The following PIGN variants were observed in gnomAD, a reference collection of about 807,000 sequenced individuals.
PIGN encodes the protein GPI ethanolamine phosphate transferase 1.
A neutral mutation model predicts 125.4 loss-of-function variants in PIGN; 117 were observed. That is an observed-to-expected ratio of 0.93 (90% CI 0.80 to 1.09). The LOEUF is 1.09. Among genes scored for constraint, PIGN ranks in the 50% least tolerant of loss-of-function variants. The pLI is 0.00. For synonymous variants in PIGN, 392 were observed against 377.8 expected (o/e 1.04, Z -0.44); for missense variants, 1,075 against 1,094.9 (o/e 0.98, Z 0.26).
intron 14 of PIGN, 38 bp downstream of exon 14, chr18:62,138,205 C>A (rs773984096): frequency 4.6e-6 from 7 of 1,536,504 alleles, no homozygotes; most frequent in Admixed American, 2.1e-5. Flanking sequence ...GTGGAAAATT[C>A]TTTCCTTCAA....
intron 25 of PIGN, 55 bp from the exon 26 acceptor site, chr18:62,085,319 T>C: frequency 8.3e-7 from 1 of 1,209,090 alleles, no homozygotes; most frequent in Non-Finnish European, 1.2e-6. Flanking sequence ...AAATTTCCTT[T>C]TCATTTAGAA....
intron 3 of PIGN, 31 bp from the exon 4 acceptor site, chr18:62,161,416 A>G (rs2036949099): frequency 1.0e-6 from 1 of 975,986 alleles, no homozygotes; most frequent in African/African-American, 1.6e-5. Flanking sequence ...AAATTGGGGT[A>G]AATCTTAATG....
chr18:62,035,551 A>G lies in PIGN; in HGVS notation c.2143-17810T>C, dbSNP rs187896382. 3.8e-3 allele frequency among the ~76,000 whole-genome samples: 584 copies of G among 152,196 alleles called. 2 individuals are homozygous for G. Among genetic ancestry groups the G allele is most frequent in the African/African-American group, 0.014 (566 of 41,520 alleles). On this transcript the variant is annotated intron_variant, in intron 23 of 24. Coordinates refer to the PIGN transcript ENST00000639600. ...TTTATCTTTTTTTTATTGTACTTTAAGTTCTAGGGTACATGTGCACAACCT... is the reference window on the plus strand; with the variant it reads ...TTTATCTTTTTTTTATTGTACTTTAGGTTCTAGGGTACATGTGCACAACCT...
intron 4 of PIGN, chr18:62,158,125 T>C (rs1020664389): frequency 2.8e-5 from 6 of 214,968 alleles, no homozygotes; most frequent in African/African-American, 6.8e-5. Context: ...ATAAAACATA[T>C]ATTATTATAT....
At position 62,186,884 on chromosome 18, in the gene PIGN, G is replaced by T. The variant is rs2038077439; in HGVS notation, c.-276C>A. 1 of 152,262 alleles carries T rather than the reference G, an allele frequency of 6.6e-6. No individual in the cohort carries two copies. The allele number at this position is 152,262 out of a possible 1,614,324, so 9.4% of individuals were successfully genotyped here. The stretch of plus-strand genomic sequence containing the variant: ...GTCAGGCCTGATCTCGAAAACGAGG[G>T]CTCCTCAGCGCGAAGGCAGGACCCA... On this transcript the variant is annotated 5_prime_UTR_variant, in exon 1 of 31. Coordinates refer to ENST00000640252, the MANE Select transcript of PIGN (RefSeq NM_176787.5).
chr18:62,121,573 CCTAT>C (rs2035306247), intron 14 of PIGN, among the ~76,000 whole-genome samples: 2 of 152,022 alleles, frequency 1.3e-5, no homozygotes, highest in Admixed American at 1.3e-4. Context: ...AAGAACATTT[CCTAT>C]CTATTTTTTT....
At chr18:62,085,649 G>T (rs1378494471) in intron 25 of PIGN, among the ~76,000 whole-genome samples, 6 of 152,138 alleles carry the variant, frequency 3.9e-5, no homozygotes, top group African/African-American at 1.4e-4. Context: ...ATATATGCTT[G>T]CCGTAAACCC....
intron 14 of PIGN, chr18:62,136,204 G>T (rs998452752): frequency 2.0e-5 from 3 of 151,760 alleles, no homozygotes; most frequent in African/African-American, 7.3e-5. Context: ...ATATCCTAAT[G>T]ATATATTTAG....
At chr18:62,078,613 T>C (rs1056532268) in intron 28 of PIGN, among the ~76,000 whole-genome samples, 4 of 152,244 alleles carry the variant, frequency 2.6e-5, no homozygotes, top group Non-Finnish European at 5.9e-5. Context: ...TATTCAATAT[T>C]CATGGTGATC....
chr18:62,117,489 A>G (rs1423667889), intron 14 of PIGN, among the ~76,000 whole-genome samples: 1 of 152,106 alleles, frequency 6.6e-6, no homozygotes, highest in Non-Finnish European at 1.5e-5. Flanking sequence ...GAACTGTTAA[A>G]TAAAATAGAT....
intron 25 of PIGN, among the ~76,000 whole-genome samples, chr18:62,087,890 GTGTA>G (rs2033779865): frequency 6.6e-6 from 1 of 152,176 alleles, no homozygotes; most frequent in South Asian, 2.1e-4. Flanking sequence ...GTTGGTGAAA[GTGTA>G]TGAAGTTTCA....
intron 30 of PIGN, among the ~76,000 whole-genome samples, chr18:62,055,955 T>G (rs2031690534): frequency 6.6e-6 from 1 of 150,566 alleles, no homozygotes; most frequent in African/African-American, 2.4e-5. Context: ...AATTTATAAT[T>G]AGAAGAAATG....
intron 6 of PIGN, among the ~76,000 whole-genome samples, chr18:62,155,893 C>T (rs182371046): frequency 6.6e-6 from 1 of 152,152 alleles, no homozygotes; most frequent in African/African-American, 2.4e-5. Flanking sequence ...AAATGGCAAA[C>T]AGTTTGGGGC....
At chr18:62,031,256 C>T (rs2030190099) in intron 23 of PIGN, among the ~76,000 whole-genome samples, 2 of 152,196 alleles carry the variant, frequency 1.3e-5, no homozygotes, top group Admixed American at 1.3e-4. Context: ...ATTCGCCTTC[C>T]ACCATGATTG....
chr18:62,173,944 G>C (rs578237947), intron 1 of PIGN, among the ~76,000 whole-genome samples: 1 of 152,020 alleles, frequency 6.6e-6, no homozygotes, highest in Non-Finnish European at 1.5e-5. Context: ...GGCCGGGTGC[G>C]GTGGCTTACG....
chr18:62,095,065 T>G (rs1398958335), intron 23 of PIGN, among the ~76,000 whole-genome samples: 1 of 152,222 alleles, frequency 6.6e-6, no homozygotes, highest in African/African-American at 2.4e-5. Context: ...AATAATCTCA[T>G]AGCATAATGG....
chr18:62,154,701 T>A, intron 6 of PIGN, 50 bp from the exon 7 acceptor site: 1 of 865,562 alleles, frequency 1.2e-6, no homozygotes, highest in Non-Finnish European at 1.9e-6. Flanking sequence ...TCTTTTAAAC[T>A]ATCATAAAAT....
chr18:62,127,001 A>G (rs527283457), intron 14 of PIGN, among the ~76,000 whole-genome samples: 6 of 152,140 alleles, frequency 3.9e-5, no homozygotes, highest in South Asian at 2.1e-4. Flanking sequence ...CTATCTTGTC[A>G]ATCTTAAAGC....
chr18:62,172,127 T>TATATA (rs2037364559), intron 1 of PIGN, among the ~76,000 whole-genome samples: 1 of 152,152 alleles, frequency 6.6e-6, no homozygotes, highest in African/African-American at 2.4e-5. Flanking sequence ...TCTTCACATA[T>TATATA]ATAGATACAG....
Sources: allele counts gnomAD v4.1 joint callset (sites outside exome capture counted in the v4.1 genomes callset), GRCh38; gene constraint gnomAD v4.1.1; transcripts MANE v1.5; gene names NCBI Gene and HGNC (gene_info 2026-07-23, HGNC 2026-07-21).